Variants in TLCD4 observed in about 807,000 individuals in gnomAD.
TLCD4 encodes TLC domain containing 4.
TLCD4 carries 7 observed loss-of-function variants against 24.2 expected under a neutral mutation model. The ratio of observed to expected loss-of-function variants is 0.29; its 90% CI spans 0.16 to 0.54. TLCD4 has a LOEUF of 0.54. TLCD4 is among the 20% of genes least tolerant of loss of function. The pLI is 0.95. For missense variants in TLCD4, 259 were observed against 313.9 expected (o/e 0.82, Z 1.32); for synonymous variants, 103 against 106.4 (o/e 0.97, Z 0.20).
upstream of TLCD4, among the ~76,000 whole-genome samples, chr1:95,116,591 A>ATT (rs752804712): frequency 1.5e-4 from 23 of 152,084 alleles, no homozygotes; most frequent in Non-Finnish European, 2.8e-4. Flanking sequence ...CCTCTTTGTT[A>ATT]TTTTGTTTTG....
At chr1:95,151,493 C>A in intron 5 of TLCD4, 74 bp downstream of exon 5, 2 of 1,523,202 alleles carry the variant, frequency 1.3e-6, no homozygotes, top group South Asian at 1.2e-5. Flanking sequence ...GAACATAAAT[C>A]TAAACATACA....
At chr1:95,162,908 A>G (rs544166724) in intron 5 of TLCD4, among the ~76,000 whole-genome samples, 13 of 152,262 alleles carry the variant, frequency 8.5e-5, no homozygotes, top group South Asian at 2.1e-4. Flanking sequence ...TGGGTAACCC[A>G]ACCTTTCTCT....
Position 95,188,222 on chromosome 1 carries a change from C to T in TLCD4, c.474-3328C>T, listed in dbSNP as rs1423913054. 2.0e-5 allele frequency among the ~76,000 whole-genome samples: 3 copies of T among 151,882 alleles called. No individual in the cohort carries two copies. The East Asian group carries it at 5.8e-4, about 29-fold the overall frequency. ...CTAACACGGTGAAACCCCGTCTCTACTACAAAATACAAAAAATTAGCCGGG... is the reference window on the plus strand; with the variant it reads ...CTAACACGGTGAAACCCCGTCTCTATTACAAAATACAAAAAATTAGCCGGG... On this transcript the variant is annotated intron_variant, in intron 6 of 6. Coordinates refer to ENST00000370203, the MANE Select transcript of TLCD4 (RefSeq NM_152487.3).
chr1:95,116,230 A>G (rs969966679), upstream of TLCD4, among the ~76,000 whole-genome samples: 7 of 152,178 alleles, frequency 4.6e-5, no homozygotes, highest in Non-Finnish European at 1.0e-4. Flanking sequence ...TACCATTTTA[A>G]AGATGAAGAA....
intron 6 of TLCD4, among the ~76,000 whole-genome samples, chr1:95,189,078 C>T (rs1476044610): frequency 2.0e-5 from 3 of 152,138 alleles, no homozygotes; most frequent in South Asian, 2.1e-4. Context: ...AAAATCTAGC[C>T]GCCTCTTGCT....
chr1:95,112,744 A>C (rs1676363095), upstream of TLCD4, among the ~76,000 whole-genome samples: 1 of 152,196 alleles, frequency 6.6e-6, no homozygotes, highest in South Asian at 2.1e-4. Flanking sequence ...AAGCTACTGG[A>C]GTCTGTGATC....
intron 1 of TLCD4, 74 bp from the exon 2 acceptor site, chr1:95,143,817 T>G: frequency 8.0e-7 from 1 of 1,256,698 alleles, no homozygotes; most frequent in Non-Finnish European, 1.0e-6. Flanking sequence ...TTACAAGACA[T>G]ATTTCTTAAA....
chr1:95,130,448 G>A (rs897277308), intron 1 of TLCD4, among the ~76,000 whole-genome samples: 32 of 152,114 alleles, frequency 2.1e-4, no homozygotes, highest in Non-Finnish European at 4.4e-4. Context: ...CACAGTGCCC[G>A]GCCCGACAGT....
At chr1:95,130,162 AT>A (rs35899204) in intron 1 of TLCD4, among the ~76,000 whole-genome samples, 3 of 151,168 alleles carry the variant, frequency 2.0e-5, no homozygotes, top group Admixed American at 1.3e-4. Context: ...TATTTAATTT[AT>A]TTTTTTTTGA....
intron 6 of TLCD4, among the ~76,000 whole-genome samples, chr1:95,182,276 T>G (rs1200305074): frequency 1.3e-5 from 2 of 152,102 alleles, no homozygotes; most frequent in Non-Finnish European, 2.9e-5. Context: ...TTTTTGTTTT[T>G]TTTTTCAAGT....
the TLCD4 span, among the ~76,000 whole-genome samples, chr1:95,093,355 T>TA: frequency 6.6e-6 from 1 of 152,192 alleles, no homozygotes; most frequent in Non-Finnish European, 1.5e-5. Context: ...AAATGGAAGT[T>TA]TTTATTGTGG....
rs1375918845 is a variant in TLCD4, at chr1:95,194,093, A to G, written c.*2225A>G. ...AGTTTGTTTTTATAGTTACTGTTTC[A>G]TGCTTAAAACTTCATTCTTACTTTC... is the stretch of plus-strand genomic sequence containing the variant. On this transcript the variant is annotated 3_prime_UTR_variant, in exon 7 of 7. Coordinates refer to ENST00000370203, the MANE Select transcript of TLCD4 (RefSeq NM_152487.3). The G allele has an allele frequency of 6.6e-6, 1 of 152,080 alleles. No individual in the cohort carries two copies. The highest frequency in any genetic ancestry group is 1.5e-5 in the Non-Finnish European group (1 of 67,940). The allele number at this position is 152,080 out of a possible 1,614,324, so 9.4% of individuals were successfully genotyped here.
At chr1:95,105,894 T>TAAAAAAAAAAAAAAAAA in the TLCD4 span, among the ~76,000 whole-genome samples, 1 of 115,362 alleles carries the variant, frequency 8.7e-6, no homozygotes. Flanking sequence ...GACTCCGTCT[T>TAAAAAAAAAAAAAAAAA]AAAAAAAAAA....
chr1:95,173,314 C>CTT lies in TLCD4; in HGVS notation c.400-490_400-489dup, dbSNP rs202107448. Among the ~76,000 whole-genome samples the CTT allele has an allele frequency of 3.5e-4, 50 of 143,550 alleles. 1 individual carries two copies. Among genetic ancestry groups the CTT allele is most frequent in the East Asian group, 3.4e-3 (17 of 4,990 alleles). The allele number at this position is 143,550 out of a possible 152,430, so 94.2% of individuals were successfully genotyped here. ...AAATTCACAGTACTTTGTGATCATTCTTTTTTTTTTTTTGAGACGGAGTCT... is the reference window on the plus strand; with the variant it reads ...AAATTCACAGTACTTTGTGATCATTCTTTTTTTTTTTTTTTGAGACGGAGTCT... On this transcript the variant is annotated intron_variant, in intron 5 of 6. Coordinates refer to ENST00000370203, the MANE Select transcript of TLCD4 (RefSeq NM_152487.3).
intron 5 of TLCD4, among the ~76,000 whole-genome samples, chr1:95,170,454 C>T (rs899904128): frequency 8.6e-5 from 13 of 151,654 alleles, no homozygotes; most frequent in African/African-American, 2.9e-4. Context: ...CTCAGTCTCC[C>T]GAGTAGCTGG....
At chr1:95,186,020 A>G (rs1678818897) in intron 6 of TLCD4, among the ~76,000 whole-genome samples, 1 of 152,218 alleles carries the variant, frequency 6.6e-6, no homozygotes, top group South Asian at 2.1e-4. Flanking sequence ...AAATGAAAGG[A>G]CTGTCGAGCC....
At chr1:95,170,113 T>A (rs1361695088) in intron 5 of TLCD4, among the ~76,000 whole-genome samples, 4 of 152,140 alleles carry the variant, frequency 2.6e-5, no homozygotes, top group Non-Finnish European at 5.9e-5. Flanking sequence ...ACATTGAATG[T>A]AGTTACATAG....
At chr1:95,125,701 G>A (rs1676714382) in intron 1 of TLCD4, 1 of 152,092 alleles carries the variant, frequency 6.6e-6, no homozygotes, top group Non-Finnish European at 1.5e-5. Context: ...CAAATTATCC[G>A]GTCAGATCAT....
chr1:95,114,828 AG>A (rs1377345537), upstream of TLCD4, among the ~76,000 whole-genome samples: 1 of 151,894 alleles, frequency 6.6e-6, no homozygotes, highest in Non-Finnish European at 1.5e-5. Flanking sequence ...TCTGTCTCAA[AG>A]AAAAAAAAAA....
Sources: allele counts gnomAD v4.1 joint callset (sites outside exome capture counted in the v4.1 genomes callset), GRCh38; gene constraint gnomAD v4.1.1; transcripts MANE v1.5; gene names NCBI Gene and HGNC (gene_info 2026-07-23, HGNC 2026-07-21).